Variants in MAP2K1 observed in about 807,000 individuals in gnomAD.
MAP2K1 encodes mitogen-activated protein kinase kinase 1, also known as dual specificity mitogen-activated protein kinase kinase 1.
In MAP2K1, 16 loss-of-function variants were observed where a neutral mutation model predicts 46.3. That is an observed-to-expected ratio of 0.35 (90% CI 0.23 to 0.52). The LOEUF (loss-of-function observed/expected upper bound fraction) is 0.52, where lower values mean the gene tolerates loss of function less well. Ranked by LOEUF, MAP2K1 falls within the 20% of genes least tolerant of loss-of-function variation. The pLI is 0.94. For synonymous variants in MAP2K1, 183 were observed against 185.6 expected (o/e 0.99, Z 0.11); for missense variants, 263 against 497.1 (o/e 0.53, Z 4.48).
chr15:66,397,214 A>G (rs912600107), intron 1 of MAP2K1, among the ~76,000 whole-genome samples: 1 of 150,442 alleles, frequency 6.6e-6, no homozygotes, highest in Admixed American at 6.6e-5. Flanking sequence ...CCGTGTAGCC[A>G]GGATGGTCTC....
chr15:66,416,320 G>A (rs932690590), intron 1 of MAP2K1, among the ~76,000 whole-genome samples: 5 of 151,720 alleles, frequency 3.3e-5, no homozygotes, highest in African/African-American at 1.2e-4. Context: ...CCTATGTTTG[G>A]CTTACATTGT....
chr15:66,421,472 C>T (rs894516646), intron 1 of MAP2K1, among the ~76,000 whole-genome samples: 1 of 151,022 alleles, frequency 6.6e-6, no homozygotes, highest in Non-Finnish European at 1.5e-5. Flanking sequence ...GTGCTAACTG[C>T]GAGTTAATGG....
At chr15:66,453,364 A>G (rs1892085678) in intron 5 of MAP2K1, 2 of 643,350 alleles carry the variant, frequency 3.1e-6, no homozygotes, top group Non-Finnish European at 5.6e-6. Flanking sequence ...AGAGTTTACC[A>G]CTTGCACAGC....
intron 5 of MAP2K1, among the ~76,000 whole-genome samples, chr15:66,480,439 C>T (rs1165508441): frequency 6.6e-6 from 1 of 152,042 alleles, no homozygotes; most frequent in Non-Finnish European, 1.5e-5. Flanking sequence ...CTGTTTGAAT[C>T]TGTTTAAGAA....
At chr15:66,425,749 T>C (rs938565177) in intron 1 of MAP2K1, among the ~76,000 whole-genome samples, 1 of 152,264 alleles carries the variant, frequency 6.6e-6, no homozygotes, top group African/African-American at 2.4e-5. Context: ...GTGGGTTTTC[T>C]GTAACAATAT....
At chr15:66,480,897 C>G (rs951362628) in intron 5 of MAP2K1, among the ~76,000 whole-genome samples, 3 of 152,144 alleles carry the variant, frequency 2.0e-5, no homozygotes, top group Non-Finnish European at 4.4e-5. Context: ...GATAATTGAC[C>G]CTGGTCTATG....
chr15:66,392,681 G>C (rs142628694), intron 1 of MAP2K1, among the ~76,000 whole-genome samples: 12 of 151,482 alleles, frequency 7.9e-5, no homozygotes, highest in South Asian at 6.2e-4. Flanking sequence ...AGCCTCCTGA[G>C]TAGCTGGGAT....
At chr15:66,399,421 C>A (rs1357808496) in intron 1 of MAP2K1, among the ~76,000 whole-genome samples, 2 of 152,076 alleles carry the variant, frequency 1.3e-5, no homozygotes, top group Non-Finnish European at 2.9e-5. Context: ...TGATAAACAT[C>A]ACATTAAATG....
At position 66,444,345 on chromosome 15, in the gene MAP2K1, C is replaced by A. The variant is rs112381615; in HGVS notation, c.517-311C>A. On this transcript the variant is annotated intron_variant, in intron 4 of 10. Transcript: ENST00000307102. ...GGTCAGGAGTTCGAGACTAGCCCGA[C>A]AAACATGGAGAAACCCCATCTCTAC... Among the ~76,000 whole-genome samples the A allele has an allele frequency of 0.069, 10,451 of 151,398 alleles. 1,187 individuals carry two copies. Among genetic ancestry groups the A allele is most frequent in the African/African-American group, 0.24 (9,866 of 41,204 alleles).
intron 1 of MAP2K1, chr15:66,414,946 C>CAA (rs1595847860): frequency 4.8e-6 from 2 of 417,338 alleles, no homozygotes; most frequent in East Asian, 1.4e-4. Context: ...GTGGTACTTG[C>CAA]ATAGCCACTT....
chr15:66,485,826 C>T (rs1301496975), intron 7 of MAP2K1, among the ~76,000 whole-genome samples: 3 of 152,048 alleles, frequency 2.0e-5, no homozygotes, highest in Non-Finnish European at 2.9e-5. Context: ...GCAATCCTCC[C>T]GCCTCAGCCT....
chr15:66,436,382 G>C (rs1025972366), intron 2 of MAP2K1, among the ~76,000 whole-genome samples: 2 of 152,328 alleles, frequency 1.3e-5, no homozygotes, highest in Admixed American at 6.5e-5. Flanking sequence ...GGGCAGCCTA[G>C]GTTAGCATAC....
At chr15:66,481,394 ACTATAT>A (rs1446367138) in intron 5 of MAP2K1, among the ~76,000 whole-genome samples, 1 of 152,136 alleles carries the variant, frequency 6.6e-6, no homozygotes, top group Non-Finnish European at 1.5e-5. Flanking sequence ...AGCCATAGAT[ACTATAT>A]CTTACCAGTA....
chr15:66,446,409 C>G (rs999974162), intron 5 of MAP2K1: 340 of 161,914 alleles, frequency 2.1e-3, no homozygotes, highest in Non-Finnish European at 1.8e-4. Context: ...CCACTGCACT[C>G]CAGCCTGGGC....
In MAP2K1 at chr15:66,452,304, GA is replaced by G. The variant is rs767435065; in HGVS notation, c.568+7607del. Among the ~76,000 whole-genome samples, 317 of 131,972 alleles carry G rather than the reference GA, an allele frequency of 2.4e-3. 1 individual carries two copies. The highest frequency in any genetic ancestry group is 8.0e-3 in the African/African-American group (289 of 36,098). The allele number at this position is 131,972 out of a possible 152,430, so 86.6% of individuals were successfully genotyped here. ...GAGTATAATAAAAAAAAAAAAAAAA[GA>G]AAAAAAAAAGCTAAATATAGAAAGC... On this transcript the variant is annotated intron_variant, in intron 5 of 10. Coordinates refer to ENST00000307102, the MANE Select transcript of MAP2K1 (RefSeq NM_002755.4).
intron 1 of MAP2K1, among the ~76,000 whole-genome samples, chr15:66,433,001 T>TGTGTGTGTGTGTGTGTGTGTGTG (rs56089688): frequency 1.3e-4 from 20 of 151,098 alleles, no homozygotes; most frequent in Non-Finnish European, 2.1e-4. Flanking sequence ...TGTGTGTGTG[T>TGTGTGTGTGTGTGTGTGTGTGTG]TGACAGCTTT....
At chr15:66,435,490 T>C (rs1405121929) in intron 2 of MAP2K1, among the ~76,000 whole-genome samples, 3 of 151,924 alleles carry the variant, frequency 2.0e-5, no homozygotes, top group Non-Finnish European at 4.4e-5. Flanking sequence ...CATGCATGGC[T>C]AATTTTTTTG....
chr15:66,481,717 T>C (rs1728950798), intron 5 of MAP2K1, 38 bp from the exon 6 acceptor site: 1 of 1,607,632 alleles, frequency 6.2e-7, no homozygotes. Context: ...AATCTACCTG[T>C]GTCAGTTCCC....
At chr15:66,425,164 C>A (rs929653095) in intron 1 of MAP2K1, among the ~76,000 whole-genome samples, 1 of 152,152 alleles carries the variant, frequency 6.6e-6, no homozygotes. Flanking sequence ...AGCATTCTTT[C>A]CCTTCCTGTG....
Sources: allele counts gnomAD v4.1 joint callset (sites outside exome capture counted in the v4.1 genomes callset), GRCh38; gene constraint gnomAD v4.1.1; transcripts MANE v1.5; gene names NCBI Gene and HGNC (gene_info 2026-07-23, HGNC 2026-07-21).